Variants in MAPKAP1 observed in about 807,000 individuals in gnomAD.
MAPKAP1 encodes the protein target of rapamycin complex 2 subunit MAPKAP1.
A neutral mutation model predicts 65.7 loss-of-function variants in MAPKAP1; 20 were observed. The ratio of observed to expected loss-of-function variants is 0.30; its 90% confidence interval spans 0.21 to 0.44. The LOEUF (loss-of-function observed/expected upper bound fraction) is 0.44. Among genes scored for constraint, MAPKAP1 ranks in the 20% least tolerant of loss-of-function variants. The pLI, the probability that MAPKAP1 is intolerant of heterozygous loss-of-function variation, is 1.00. For synonymous variants in MAPKAP1, 222 were observed against 244.3 expected, an observed-to-expected ratio of 0.91 and a Z score of 0.85; for missense variants, 423 against 648.0, an observed-to-expected ratio of 0.65 and a Z score of 3.77.
chr9:125,706,532 A>C (rs886569333), intron 1 of MAPKAP1, among the ~76,000 whole-genome samples: 3 of 152,110 alleles, frequency 2.0e-5, no homozygotes, highest in African/African-American at 7.2e-5. Flanking sequence ...AGAATGAATC[A>C]AAGTTCCAGC....
chr9:125,634,132 G>A (rs1411155351), intron 4 of MAPKAP1, among the ~76,000 whole-genome samples: 1 of 152,160 alleles, frequency 6.6e-6, no homozygotes, highest in East Asian at 1.9e-4. Flanking sequence ...CTGTTAATTT[G>A]TAATGAACTT....
chr9:125,508,581 T>C (rs1012796003), intron 7 of MAPKAP1, among the ~76,000 whole-genome samples: 1 of 152,196 alleles, frequency 6.6e-6, no homozygotes, highest in African/African-American at 2.4e-5. Context: ...CTGAGTATGG[T>C]GGCTCACATC....
chr9:125,688,603 G>C (rs1455560917), intron 1 of MAPKAP1, among the ~76,000 whole-genome samples: 1 of 152,162 alleles, frequency 6.6e-6, no homozygotes, highest in Admixed American at 6.5e-5. Flanking sequence ...GCTCATGCCT[G>C]TAATCCCAAC....
At chr9:125,657,610 TAC>T (rs1488990919) in intron 4 of MAPKAP1, 39 bp downstream of exon 4, 7 of 1,538,286 alleles carry the variant, frequency 4.6e-6, no homozygotes, top group Non-Finnish European at 6.2e-6. Context: ...TCCACTCAAT[TAC>T]AGTTTTACTT....
chr9:125,629,056 C>A (rs1210441257), intron 4 of MAPKAP1, among the ~76,000 whole-genome samples: 12 of 15,914 alleles, frequency 7.5e-4, no homozygotes, highest in African/African-American at 2.4e-3. Flanking sequence ...ACTGTCAAAA[C>A]ACACACACAC....
At chr9:125,456,351 T>C (rs186623402) in intron 10 of MAPKAP1, among the ~76,000 whole-genome samples, 10 of 152,360 alleles carry the variant, frequency 6.6e-5, no homozygotes, top group Admixed American at 3.9e-4. Flanking sequence ...GTTAGAACAC[T>C]TGCTATGACT....
intron 4 of MAPKAP1, among the ~76,000 whole-genome samples, chr9:125,655,429 C>T (rs1255952724): frequency 6.6e-6 from 1 of 152,040 alleles, no homozygotes; most frequent in African/African-American, 2.4e-5. Flanking sequence ...TACTACAATC[C>T]CATTATTATG....
At chr9:125,514,969 C>A (rs1010155885) in intron 7 of MAPKAP1, among the ~76,000 whole-genome samples, 10 of 152,106 alleles carry the variant, frequency 6.6e-5, no homozygotes, top group Non-Finnish European at 1.3e-4. Context: ...GCTTATAACT[C>A]TTCCTCCAGA....
At chr9:125,547,905 A>G (rs1283867931) in intron 6 of MAPKAP1, among the ~76,000 whole-genome samples, 2 of 152,244 alleles carry the variant, frequency 1.3e-5, no homozygotes, top group African/African-American at 4.8e-5. Context: ...TTGCATGATG[A>G]TAATGGAAAT....
chr9:125,496,737 G>A (rs940124984), intron 8 of MAPKAP1, among the ~76,000 whole-genome samples: 5 of 152,114 alleles, frequency 3.3e-5, no homozygotes, highest in Non-Finnish European at 5.9e-5. Context: ...CCCTCTCTCC[G>A]TTTCTATTTT....
intron 2 of MAPKAP1, among the ~76,000 whole-genome samples, chr9:125,671,155 C>T (rs759455675): frequency 1.3e-5 from 2 of 152,176 alleles, no homozygotes; most frequent in Non-Finnish European, 2.9e-5. Flanking sequence ...CAATAACCTG[C>T]AAGGAAGTCA....
intron 5 of MAPKAP1, among the ~76,000 whole-genome samples, chr9:125,571,110 T>C (rs1455236347): frequency 2.6e-5 from 4 of 152,214 alleles, no homozygotes; most frequent in African/African-American, 9.6e-5. Flanking sequence ...TGTAAAATGG[T>C]GTTTTGCTTT....
chr9:125,446,951 G>C (rs1466383171), intron 10 of MAPKAP1, among the ~76,000 whole-genome samples: 1 of 152,182 alleles, frequency 6.6e-6, no homozygotes, highest in African/African-American at 2.4e-5. Context: ...CAAGGCCTAA[G>C]AGCCCCAGAA....
In MAPKAP1 at chr9:125,464,184, T is replaced by A. The variant is rs537780306; in HGVS notation, c.1345+3788A>T. Among the ~76,000 whole-genome samples, 5 of 118,094 alleles carry A rather than the reference T, an allele frequency of 4.2e-5. No individual in the cohort carries two copies. The South Asian group carries it at 1.3e-3, about 31-fold the overall frequency. The allele number at this position is 118,094 out of a possible 152,430, so 77.5% of individuals were successfully genotyped here. The stretch of plus-strand genomic sequence containing the variant: ...TTTGAGCCCAGCCTGGGCAACACAG[T>A]GAGACCCTGTCTCATATATTAAAAA... On this transcript the variant is annotated intron_variant, in intron 10 of 11. Transcript: ENST00000265960.
At chr9:125,555,019 A>C (rs1830697250) in intron 6 of MAPKAP1, among the ~76,000 whole-genome samples, 1 of 152,174 alleles carries the variant, frequency 6.6e-6, no homozygotes, top group Non-Finnish European at 1.5e-5. Context: ...CAACATCAGC[A>C]ATGTTTAATT....
chr9:125,703,567 T>A (rs1588093584), intron 1 of MAPKAP1, among the ~76,000 whole-genome samples: 1 of 150,880 alleles, frequency 6.6e-6, no homozygotes, highest in South Asian at 2.1e-4. Context: ...AGGTCAGGAG[T>A]TTGAGACCAG....
intron 9 of MAPKAP1, among the ~76,000 whole-genome samples, chr9:125,484,083 A>C (rs1854410174): frequency 6.6e-6 from 1 of 152,226 alleles, no homozygotes; most frequent in Non-Finnish European, 1.5e-5. Flanking sequence ...TGAATGAATA[A>C]GCAATGAGCT....
Position 125,672,527 on chromosome 9 carries a change from C to T in MAPKAP1, c.48G>A (p.Gln16=), listed in dbSNP as rs142713473. The T allele has an allele frequency of 8.8e-4, 1,416 of 1,614,184 alleles. No individual in the cohort carries two copies. The highest frequency in any genetic ancestry group is 1.1e-3 in the Admixed American group (67 of 60,028). The part of the protein sequence containing the change: ...NPTIILAHIR[Q]SHVTSDDTGM... ...CCGTGTCATCACTGGTCACATGTGACTGTCGAATATGAGCTAGAATGATAG... is the reference window on the plus strand; with the variant it reads ...CCGTGTCATCACTGGTCACATGTGATTGTCGAATATGAGCTAGAATGATAG... The change falls in exon 2 of 12, where the codon CAG becomes CAA. Residue 16 remains glutamine (Q), a synonymous_variant. Coordinates refer to ENST00000265960, the MANE Select transcript of MAPKAP1 (RefSeq NM_001006617.3).
intron 9 of MAPKAP1, among the ~76,000 whole-genome samples, chr9:125,476,960 G>A (rs1854133617): frequency 6.6e-6 from 1 of 152,166 alleles, no homozygotes; most frequent in East Asian, 1.9e-4. Flanking sequence ...AAACTTGACT[G>A]GAGCCAGCTG....
Sources: allele counts gnomAD v4.1 joint callset (sites outside exome capture counted in the v4.1 genomes callset), GRCh38; gene constraint gnomAD v4.1.1; transcripts MANE v1.5; gene names NCBI Gene and HGNC (gene_info 2026-07-23, HGNC 2026-07-21).